The following PJA2 variants were observed in gnomAD, a reference collection of about 807,000 sequenced individuals.
The protein encoded by PJA2 is praja ring finger ubiquitin ligase 2.
Under a neutral mutation model 69.3 loss-of-function variants are expected in PJA2, and 25 were observed. The observed-to-expected ratio is 0.36, with a 90% confidence interval of 0.26 to 0.50. The LOEUF (loss-of-function observed/expected upper bound fraction) is 0.50. PJA2 is among the 20% of genes least tolerant of loss of function. PJA2 has a pLI of 0.96. For missense variants in PJA2, 809 were observed against 830.2 expected (o/e 0.97, Z 0.31); for synonymous variants, 308 against 277.8 (o/e 1.11, Z -1.08).
At chr5:109,350,797 T>C (rs1468512178) in intron 7 of PJA2, among the ~76,000 whole-genome samples, 3 of 152,172 alleles carry the variant, frequency 2.0e-5, no homozygotes, top group Non-Finnish European at 4.4e-5. Flanking sequence ...CTAGTGCCTA[T>C]ACCTGGGTGT....
intron 1 of PJA2, among the ~76,000 whole-genome samples, chr5:109,397,404 A>T (rs1747438156): frequency 7.2e-5 from 11 of 152,170 alleles, no homozygotes; most frequent in Admixed American, 7.2e-4. Context: ...AGGGTATAGA[A>T]AGCTGGAGTG....
intron 4 of PJA2, among the ~76,000 whole-genome samples, chr5:109,371,215 A>G (rs995436886): frequency 3.9e-5 from 6 of 152,128 alleles, no homozygotes; most frequent in African/African-American, 1.4e-4. Flanking sequence ...CCTCAATGCT[A>G]AGGAGACAAC....
In PJA2 at chr5:109,409,912, G is replaced by A; in HGVS notation, c.-158C>T. 1 of 180,896 alleles carries A rather than the reference G, an allele frequency of 5.5e-6. No homozygotes were observed. Among genetic ancestry groups the A allele is most frequent in the South Asian group, 8.8e-5 (1 of 11,400 alleles). 11.2% of individuals were successfully genotyped at this position (180,896 alleles called of 1,614,324 possible). A position where few individuals can be genotyped will look rare whatever the true frequency, so the allele number is the denominator to read the frequency against. ...ACCCGCCACCACCGCCTTCTTCTCC[G>A]CCTCCAACTCCTCCCCCGCCGAACG... is the stretch of plus-strand genomic sequence containing the variant. On this transcript the variant is annotated 5_prime_UTR_variant, in exon 1 of 10. Transcript: ENST00000361189.
At chr5:109,358,300 TG>T in intron 6 of PJA2, among the ~76,000 whole-genome samples, 1 of 152,344 alleles carries the variant, frequency 6.6e-6, no homozygotes, top group South Asian at 2.1e-4. Context: ...TGCAGATAAC[TG>T]GCCCAACCTA....
intron 1 of PJA2, among the ~76,000 whole-genome samples, chr5:109,387,924 T>G (rs926684699): frequency 6.6e-6 from 1 of 152,214 alleles, no homozygotes; most frequent in African/African-American, 2.4e-5. Flanking sequence ...AATGAGATAA[T>G]TCTGTGCTCC....
intron 9 of PJA2, among the ~76,000 whole-genome samples, chr5:109,341,065 G>C (rs1350201880): frequency 8.1e-6 from 1 of 123,968 alleles, no homozygotes; most frequent in Non-Finnish European, 1.7e-5. Flanking sequence ...CTGCCACCCC[G>C]TCTGGGAAGT....
Position 109,336,958 on chromosome 5 carries a change from G to A in PJA2, c.*273C>T, listed in dbSNP as rs1180593021. On this transcript the variant is annotated 3_prime_UTR_variant, in exon 10 of 10. Transcript: ENST00000361189. Reference sequence around the variant, plus strand: ...TGCCACACAGATGATTATTTATTCTGGAGAGAGTCAACTGATAAGCTTGGC... The same window carrying A: ...TGCCACACAGATGATTATTTATTCTAGAGAGAGTCAACTGATAAGCTTGGC... 1 of 193,838 alleles carries A rather than the reference G, an allele frequency of 5.2e-6. No homozygotes were observed. Among genetic ancestry groups the A allele is most frequent in the East Asian group, 1.5e-4 (1 of 6,864 alleles). 12.0% of individuals were successfully genotyped at this position (193,838 alleles called of 1,614,324 possible).
chr5:109,376,704 T>A (rs942547703), intron 4 of PJA2, among the ~76,000 whole-genome samples: 11 of 152,162 alleles, frequency 7.2e-5, no homozygotes, highest in African/African-American at 2.7e-4. Context: ...TTGTCTTTTT[T>A]TAAAAATAGT....
intron 1 of PJA2, among the ~76,000 whole-genome samples, chr5:109,385,533 T>A (rs73209521): frequency 0.1 from 15,888 of 152,168 alleles, 1,534 homozygotes; most frequent in African/African-American, 0.26. Context: ...TGAGTTAAGT[T>A]TGAGATATCT....
chr5:109,337,431 C>T, intron 9 of PJA2, 75 bp from the exon 10 acceptor site: 1 of 1,463,446 alleles, frequency 6.8e-7, no homozygotes, highest in East Asian at 2.5e-5. Context: ...AAAGAAAAAA[C>T]AGTGTCATTA....
intron 7 of PJA2, among the ~76,000 whole-genome samples, chr5:109,348,680 G>C (rs1016399197): frequency 2.0e-5 from 3 of 152,106 alleles, no homozygotes; most frequent in Non-Finnish European, 4.4e-5. Flanking sequence ...GACAAAAAAA[G>C]AAAGAACTGA....
intron 1 of PJA2, chr5:109,409,157 G>A (rs1747762696): frequency 6.6e-6 from 1 of 152,184 alleles, no homozygotes; most frequent in African/African-American, 2.4e-5. Flanking sequence ...TCATCTGAGG[G>A]AGGCCAAATT....
At chr5:109,359,237 A>G (rs942270406) in intron 6 of PJA2, among the ~76,000 whole-genome samples, 8 of 152,190 alleles carry the variant, frequency 5.3e-5, no homozygotes, top group African/African-American at 1.7e-4. Context: ...TATATAATAC[A>G]TATCACATAC....
At chr5:109,387,566 A>G (rs1275619913) in intron 1 of PJA2, among the ~76,000 whole-genome samples, 3 of 152,224 alleles carry the variant, frequency 2.0e-5, no homozygotes, top group Non-Finnish European at 4.4e-5. Context: ...ACTTCAAACA[A>G]TTCGGGGTTT....
intron 9 of PJA2, among the ~76,000 whole-genome samples, 160 bp downstream of exon 9, chr5:109,344,030 G>C (rs1212958963): frequency 2.0e-5 from 3 of 148,832 alleles, no homozygotes; most frequent in South Asian, 2.1e-4. Context: ...CCTGGAGGCA[G>C]AGGTTGCAGT....
intron 7 of PJA2, among the ~76,000 whole-genome samples, chr5:109,352,662 AT>A (rs1387029571): frequency 6.6e-6 from 1 of 152,062 alleles, no homozygotes; most frequent in Non-Finnish European, 1.5e-5. Flanking sequence ...ATTGAAAGCA[AT>A]CTCCATGGAC....
intron 1 of PJA2, among the ~76,000 whole-genome samples, chr5:109,386,059 T>C (rs1199482631): frequency 1.3e-4 from 19 of 151,842 alleles, no homozygotes; most frequent in Middle Eastern, 3.4e-3. Flanking sequence ...CTCACACCTG[T>C]AATCCCAGCA....
intron 5 of PJA2, among the ~76,000 whole-genome samples, chr5:109,366,499 A>T (rs1561351596): frequency 6.6e-6 from 1 of 152,218 alleles, no homozygotes; most frequent in African/African-American, 2.4e-5. Flanking sequence ...ACTCAGCTCA[A>T]AAGTCAATTC....
At chr5:109,338,636 CAAAAA>C (rs11336749) in intron 9 of PJA2, among the ~76,000 whole-genome samples, 3 of 62,462 alleles carry the variant, frequency 4.8e-5, no homozygotes, top group Admixed American at 1.7e-4. Flanking sequence ...AACTCCGTCT[CAAAAA>C]AAAAAAAAAA....
Sources: gnomAD v4.1 joint callset for allele counts (sites outside exome capture counted in the v4.1 genomes callset) on GRCh38, gnomAD v4.1.1 for gene constraint, MANE v1.5 for transcripts, NCBI Gene and HGNC (gene_info 2026-07-23, HGNC 2026-07-21) for gene names.